PTPRD: variants seen among roughly 807,000 people sequenced by gnomAD.
The protein encoded by PTPRD is protein tyrosine phosphatase receptor type D, also known as receptor-type tyrosine-protein phosphatase delta.
A neutral mutation model predicts 214.5 loss-of-function variants in PTPRD; 34 were observed. The observed-to-expected ratio is 0.16, with a 90% confidence interval of 0.12 to 0.21. The LOEUF (loss-of-function observed/expected upper bound fraction) is 0.21. Ranked by LOEUF, PTPRD falls within the 10% of genes least tolerant of loss-of-function variation. PTPRD has a pLI of 1.00. For missense variants in PTPRD, 2,545 were observed against 2,398.7 expected (o/e 1.06, Z -1.27); for synonymous variants, 1,128 against 845.7 (o/e 1.33, Z -5.79).
Position 9,515,512 on chromosome 9 carries a change from G to A in PTPRD, c.-237+59220C>T, listed in dbSNP as rs1420506672. Among the ~76,000 whole-genome samples the A allele has an allele frequency of 2.0e-5, 3 of 152,042 alleles. No individual in the cohort carries two copies. In the East Asian group the frequency reaches 5.8e-4, roughly 29 times the overall value. On this transcript the variant is annotated intron_variant, in intron 8 of 45. Transcript: ENST00000381196. ...ATCTGTATACAGAAAGTTTTTCTAT[G>A]TATCACTACATATAAGAGAGAATGG...
At chr9:8,960,514 G>T (rs958181423) in intron 11 of PTPRD, among the ~76,000 whole-genome samples, 1 of 152,046 alleles carries the variant, frequency 6.6e-6, no homozygotes, top group Admixed American at 6.6e-5. Flanking sequence ...GACATCCAAG[G>T]TTCAAAGTGC....
chr9:10,492,183 G>A (rs2040509573), intron 2 of PTPRD, among the ~76,000 whole-genome samples: 1 of 152,146 alleles, frequency 6.6e-6, no homozygotes, highest in African/African-American at 2.4e-5. Flanking sequence ...ATGTGTGTAT[G>A]TGTCTTTATA....
At chr9:8,860,365 AG>A (rs1470287185) in intron 11 of PTPRD, 1 of 152,234 alleles carries the variant, frequency 6.6e-6, no homozygotes, top group Non-Finnish European at 1.5e-5. Context: ...GGACAGTACA[AG>A]TAAATGGCAT....
chr9:9,871,242 A>G (rs967561452), intron 5 of PTPRD, among the ~76,000 whole-genome samples: 3 of 152,210 alleles, frequency 2.0e-5, no homozygotes, highest in African/African-American at 7.2e-5. Context: ...CAAGAGAGTA[A>G]GTATGGATAC....
At chr9:9,723,564 G>C (rs2098010987) in intron 7 of PTPRD, among the ~76,000 whole-genome samples, 2 of 152,044 alleles carry the variant, frequency 1.3e-5, no homozygotes, top group African/African-American at 4.8e-5. Context: ...CTACAAAGAA[G>C]TGAGCTGGGA....
At chr9:9,683,836 A>T (rs2097120327) in intron 7 of PTPRD, among the ~76,000 whole-genome samples, 1 of 151,786 alleles carries the variant, frequency 6.6e-6, no homozygotes, top group Admixed American at 6.6e-5. Context: ...TTATAATCAG[A>T]GTGGCATCTT....
At chr9:9,554,003 T>C (rs1266736731) in intron 8 of PTPRD, among the ~76,000 whole-genome samples, 1 of 151,982 alleles carries the variant, frequency 6.6e-6, no homozygotes, top group African/African-American at 2.4e-5. Context: ...TGGACAATGA[T>C]GGGAACATGA....
intron 9 of PTPRD, among the ~76,000 whole-genome samples, chr9:9,278,491 C>T (rs1946466617): frequency 6.6e-6 from 1 of 151,120 alleles, no homozygotes; most frequent in Non-Finnish European, 1.5e-5. Flanking sequence ...AAATTAAGTG[C>T]CCAATAGGAT....
intron 39 of PTPRD, among the ~76,000 whole-genome samples, chr9:8,366,501 T>G (rs1208258985): frequency 6.6e-6 from 1 of 152,016 alleles, no homozygotes; most frequent in Non-Finnish European, 1.5e-5. Context: ...AAATGAAAAA[T>G]ATTTAAGTTT....
At chr9:8,827,436 A>G (rs1261537272) in intron 11 of PTPRD, among the ~76,000 whole-genome samples, 1 of 152,016 alleles carries the variant, frequency 6.6e-6, no homozygotes, top group Admixed American at 6.6e-5. Flanking sequence ...GTGAAACCCC[A>G]TCTCTACTAA....
intron 10 of PTPRD, among the ~76,000 whole-genome samples, chr9:9,030,573 C>T (rs1395946369): frequency 6.6e-6 from 1 of 151,622 alleles, no homozygotes; most frequent in Non-Finnish European, 1.5e-5. Flanking sequence ...GAAACAGAGC[C>T]AATAGAGAAA....
intron 5 of PTPRD, among the ~76,000 whole-genome samples, chr9:9,837,331 T>C (rs1027084960): frequency 6.6e-6 from 1 of 152,140 alleles, no homozygotes; most frequent in African/African-American, 2.4e-5. Context: ...AGTTACAATA[T>C]CTAACACAGG....
chr9:8,432,111 G>A (rs961540561), intron 35 of PTPRD, among the ~76,000 whole-genome samples: 3 of 152,148 alleles, frequency 2.0e-5, no homozygotes, highest in South Asian at 2.1e-4. Context: ...TGTTTGGCAA[G>A]GTCTACACAA....
chr9:9,422,024 G>A (rs2079011885), intron 8 of PTPRD, among the ~76,000 whole-genome samples: 1 of 151,984 alleles, frequency 6.6e-6, no homozygotes, highest in Admixed American at 6.6e-5. Flanking sequence ...GAATGTGAAG[G>A]AGTAATGAAA....
chr9:8,937,715 T>C (rs1169521951), intron 11 of PTPRD, among the ~76,000 whole-genome samples: 4 of 152,210 alleles, frequency 2.6e-5, no homozygotes, highest in Non-Finnish European at 5.9e-5. Context: ...TCCTCCTCCT[T>C]CTTACAAAAG....
intron 9 of PTPRD, among the ~76,000 whole-genome samples, chr9:9,345,710 T>C (rs925192411): frequency 4.6e-5 from 7 of 152,134 alleles, no homozygotes; most frequent in Non-Finnish European, 1.0e-4. Flanking sequence ...TGGCTTCCAG[T>C]AGTATGGTCT....
intron 5 of PTPRD, among the ~76,000 whole-genome samples, chr9:9,871,649 C>G (rs2065473339): frequency 6.6e-6 from 1 of 151,082 alleles, no homozygotes; most frequent in South Asian, 2.1e-4. Context: ...TCCTTGGGCC[C>G]TAAGATTACC....
intron 20 of PTPRD, among the ~76,000 whole-genome samples, chr9:8,519,732 T>C (rs1345806463): frequency 1.3e-5 from 2 of 152,162 alleles, no homozygotes; most frequent in East Asian, 1.9e-4. Flanking sequence ...TTCTTTTGTT[T>C]TGATTTATTT....
intron 7 of PTPRD, among the ~76,000 whole-genome samples, chr9:9,665,346 AG>A (rs2096701180): frequency 6.6e-6 from 1 of 151,884 alleles, no homozygotes; most frequent in Non-Finnish European, 1.5e-5. Flanking sequence ...CACTTAGAAA[AG>A]TGGCTTAAAA....
Sources: allele counts gnomAD v4.1 joint callset (sites outside exome capture counted in the v4.1 genomes callset), GRCh38; gene constraint gnomAD v4.1.1; transcripts MANE v1.5; gene names NCBI Gene and HGNC (gene_info 2026-07-23, HGNC 2026-07-21).